Variants in ASIC2 observed in about 807,000 individuals in gnomAD.
ASIC2 encodes the protein acid-sensing ion channel 2.
In ASIC2, 25 loss-of-function variants were observed where a neutral mutation model predicts 57.3. The ratio of observed to expected loss-of-function variants is 0.44; its 90% confidence interval spans 0.32 to 0.61. The LOEUF (loss-of-function observed/expected upper bound fraction) is 0.61. Among genes scored for constraint, ASIC2 ranks in the 20% least tolerant of loss-of-function variants. The pLI, the probability that ASIC2 is intolerant of heterozygous loss-of-function variation, is 0.06. For synonymous variants in ASIC2, 319 were observed against 307.5 expected, an observed-to-expected ratio of 1.04 and a Z score of -0.39; for missense variants, 641 against 738.1, an observed-to-expected ratio of 0.87 and a Z score of 1.52.
intron 1 of ASIC2, chr17:34,001,074 G>A (rs552200512): frequency 6.6e-6 from 1 of 152,210 alleles, no homozygotes; most frequent in Admixed American, 6.5e-5. Context: ...AATTCATATA[G>A]TTCCATTTCT....
intron 1 of ASIC2, among the ~76,000 whole-genome samples, chr17:33,598,732 A>T (rs560943791): frequency 6.6e-6 from 1 of 152,324 alleles, no homozygotes; most frequent in South Asian, 2.1e-4. Flanking sequence ...TTCAGTGTTC[A>T]GTGAATACCA....
chr17:33,924,129 A>G (rs2141967054), intron 1 of ASIC2, among the ~76,000 whole-genome samples: 1 of 152,340 alleles, frequency 6.6e-6, no homozygotes, highest in Admixed American at 6.5e-5. Context: ...AGTCTACAAA[A>G]TGCTTATCAC....
chr17:33,750,532 T>A (rs559702191), intron 1 of ASIC2, among the ~76,000 whole-genome samples: 1 of 152,114 alleles, frequency 6.6e-6, no homozygotes, highest in Non-Finnish European at 1.5e-5. Context: ...AACTCCAAGA[T>A]GACTTAGTGC....
chr17:33,642,763 T>C (rs1420448460), intron 1 of ASIC2, among the ~76,000 whole-genome samples: 2 of 152,170 alleles, frequency 1.3e-5, no homozygotes, highest in Admixed American at 6.5e-5. Flanking sequence ...ACCAGGACCT[T>C]ATTTTGGTAT....
intron 1 of ASIC2, among the ~76,000 whole-genome samples, chr17:33,644,970 A>T (rs1906695587): frequency 6.6e-6 from 1 of 152,200 alleles, no homozygotes; most frequent in South Asian, 2.1e-4. Context: ...GATAGGTAAT[A>T]AGGATAATTG....
At chr17:33,377,784 T>C (rs549570209) in intron 1 of ASIC2, among the ~76,000 whole-genome samples, 2 of 152,366 alleles carry the variant, frequency 1.3e-5, no homozygotes, top group African/African-American at 2.4e-5. Context: ...CTGTTTCTGA[T>C]TGTGGAGCAC....
chr17:33,409,156 A>T (rs1320796167), intron 1 of ASIC2, among the ~76,000 whole-genome samples: 1 of 152,188 alleles, frequency 6.6e-6, no homozygotes, highest in African/African-American at 2.4e-5. Flanking sequence ...CAGAGGTTGT[A>T]GTGAGCCGAA....
intron 1 of ASIC2, among the ~76,000 whole-genome samples, chr17:34,027,928 T>C (rs1907439466): frequency 6.6e-6 from 1 of 152,194 alleles, no homozygotes; most frequent in Non-Finnish European, 1.5e-5. Context: ...TCTTTACCTA[T>C]GAAGTGGGAA....
chr17:33,576,117 G>C (rs556650062), intron 1 of ASIC2, among the ~76,000 whole-genome samples: 4 of 152,094 alleles, frequency 2.6e-5, no homozygotes, highest in African/African-American at 9.7e-5. Flanking sequence ...CCTTTTCTTA[G>C]AAGTCCGCCT....
At chr17:33,185,402 C>A (rs906818894) in intron 1 of ASIC2, among the ~76,000 whole-genome samples, 1 of 152,138 alleles carries the variant, frequency 6.6e-6, no homozygotes, top group African/African-American at 2.4e-5. Context: ...GTAAAGAATT[C>A]TTAGCTCACA....
At chr17:33,946,633 T>G (rs1472576680) in intron 1 of ASIC2, among the ~76,000 whole-genome samples, 1 of 152,196 alleles carries the variant, frequency 6.6e-6, no homozygotes, top group African/African-American at 2.4e-5. Context: ...TGGGGCTCAC[T>G]GCAGCTGGCA....
At chr17:33,281,374 G>T (rs1904940826) in intron 1 of ASIC2, among the ~76,000 whole-genome samples, 1 of 152,204 alleles carries the variant, frequency 6.6e-6, no homozygotes, top group South Asian at 2.1e-4. Context: ...TGATGATAAG[G>T]ATGATGAAGA....
intron 1 of ASIC2, among the ~76,000 whole-genome samples, chr17:33,331,862 G>A (rs758072713): frequency 6.6e-6 from 1 of 152,136 alleles, no homozygotes; most frequent in African/African-American, 2.4e-5. Context: ...ATAGAGCCAG[G>A]GTCCAAACTA....
chr17:33,094,823 C>T (rs2092171858), intron 2 of ASIC2, among the ~76,000 whole-genome samples: 1 of 152,194 alleles, frequency 6.6e-6, no homozygotes, highest in South Asian at 2.1e-4. Context: ...GTGCCTGTTT[C>T]CCAGACAAGT....
chr17:33,746,766 T>C (rs1910281288), intron 1 of ASIC2, among the ~76,000 whole-genome samples: 1 of 152,136 alleles, frequency 6.6e-6, no homozygotes, highest in Non-Finnish European at 1.5e-5. Context: ...CAGCAGAATA[T>C]ACATTTTTCT....
chr17:33,417,834 T>C (rs1910903004), intron 1 of ASIC2, among the ~76,000 whole-genome samples: 1 of 152,152 alleles, frequency 6.6e-6, no homozygotes, highest in African/African-American at 2.4e-5. Flanking sequence ...ACAACATCTG[T>C]GTGATGTCCC....
chr17:33,357,610 G>A (rs1442416451), intron 1 of ASIC2, among the ~76,000 whole-genome samples: 1 of 152,132 alleles, frequency 6.6e-6, no homozygotes, highest in Non-Finnish European at 1.5e-5. Context: ...TGCAGTGGGA[G>A]TGATGAGTTC....
rs547110880 is a variant in ASIC2, at chr17:33,058,972, G to A, written c.987+29891C>T. Among the ~76,000 whole-genome samples, 25 of 152,196 alleles carry A rather than the reference G, an allele frequency of 1.6e-4. No individual in the cohort carries two copies. In the South Asian group the frequency reaches 3.7e-3, roughly 23 times the overall value. On this transcript the variant is annotated intron_variant, in intron 3 of 9. Coordinates refer to ENST00000225823, the MANE Select transcript of ASIC2 (RefSeq NM_183377.2). ...CAATCGTTAAAATGATGGATATGGA[G>A]AGTACGTTGGATCAAGGAAATGACA... is the stretch of plus-strand genomic sequence containing the variant.
chr17:33,382,595 T>C (rs568940041), intron 1 of ASIC2, among the ~76,000 whole-genome samples: 8 of 152,350 alleles, frequency 5.3e-5, no homozygotes, highest in African/African-American at 1.7e-4. Context: ...ACCTATTACA[T>C]GTCAGACACT....
Sources: allele counts gnomAD v4.1 joint callset (sites outside exome capture counted in the v4.1 genomes callset), GRCh38; gene constraint gnomAD v4.1.1; transcripts MANE v1.5; gene names NCBI Gene and HGNC (gene_info 2026-07-23, HGNC 2026-07-21).